The following PTPN4 variants were observed in gnomAD, a reference collection of about 807,000 sequenced individuals.
PTPN4 encodes protein tyrosine phosphatase non-receptor type 4.
In PTPN4, 49 loss-of-function variants were observed where a neutral mutation model predicts 135.5. That is an observed-to-expected ratio of 0.36 (90% CI 0.29 to 0.46). The LOEUF is 0.46. Among genes scored for constraint, PTPN4 ranks in the 20% least tolerant of loss-of-function variants. PTPN4 has a pLI of 1.00. For synonymous variants in PTPN4, 333 were observed against 369.9 expected, an observed-to-expected ratio of 0.90 and a Z score of 1.14; for missense variants, 860 against 1,101.0, an observed-to-expected ratio of 0.78 and a Z score of 3.10.
chr2:119,840,120 CTTTTG>C (rs1292644202), intron 2 of PTPN4, among the ~76,000 whole-genome samples: 9 of 152,112 alleles, frequency 5.9e-5, no homozygotes, highest in African/African-American at 1.4e-4. Context: ...TTATTTCCAA[CTTTTG>C]TTTTAAGTTC....
Position 119,917,292 on chromosome 2 carries a change from CAATT to C in PTPN4, c.828+2051_828+2054del, listed in dbSNP as rs554538066. Reference sequence around the variant, plus strand: ...GATAACAGCAACAATAGCTAACTGACAATTGATTAAAGACAGTATACAGGGATCC... The same window carrying C: ...GATAACAGCAACAATAGCTAACTGACGATTAAAGACAGTATACAGGGATCC... On this transcript the variant is annotated intron_variant, in intron 11 of 26. Coordinates refer to ENST00000263708, the MANE Select transcript of PTPN4 (RefSeq NM_002830.4). Among the ~76,000 whole-genome samples the C allele has an allele frequency of 3.1e-3, 470 of 152,246 alleles. 1 individual carries two copies. Among genetic ancestry groups the C allele is most frequent in the African/African-American group, 0.011 (445 of 41,548 alleles).
chr2:119,916,332 G>T (rs1009939223), intron 11 of PTPN4: 2 of 152,192 alleles, frequency 1.3e-5, no homozygotes, highest in African/African-American at 2.4e-5. Context: ...TTGTGCCACT[G>T]TAGTCCAGCA....
intron 23 of PTPN4, 126 bp downstream of exon 23, chr2:119,961,079 T>A (rs1333701352): frequency 1.7e-6 from 2 of 1,185,252 alleles, no homozygotes; most frequent in South Asian, 3.4e-5. Flanking sequence ...TGTGGTTTCT[T>A]GTTTTAAATC....
At chr2:119,901,374 A>T (rs1678401038) in intron 10 of PTPN4, among the ~76,000 whole-genome samples, 1 of 152,222 alleles carries the variant, frequency 6.6e-6, no homozygotes, top group Non-Finnish European at 1.5e-5. Context: ...TAAGGCTCAG[A>T]TTGTTTAGGA....
chr2:119,771,191 C>T (rs1345233806), intron 1 of PTPN4, among the ~76,000 whole-genome samples: 2 of 152,146 alleles, frequency 1.3e-5, no homozygotes, highest in African/African-American at 4.8e-5. Context: ...GAAAGTGATG[C>T]CTTCTTGGAC....
At chr2:119,876,741 A>C (rs1355411129) in intron 3 of PTPN4, among the ~76,000 whole-genome samples, 2 of 152,138 alleles carry the variant, frequency 1.3e-5, no homozygotes, top group Admixed American at 6.5e-5. Context: ...ATCATTCTCA[A>C]AACTAAACAT....
chr2:119,887,225 A>G (rs1272785926), intron 9 of PTPN4, among the ~76,000 whole-genome samples: 1 of 152,228 alleles, frequency 6.6e-6, no homozygotes, highest in Non-Finnish European at 1.5e-5. Flanking sequence ...ATAATGTATC[A>G]TGCCTATAAT....
At chr2:119,762,654 G>A (rs1327819330) in intron 1 of PTPN4, among the ~76,000 whole-genome samples, 2 of 152,080 alleles carry the variant, frequency 1.3e-5, no homozygotes, top group Non-Finnish European at 1.5e-5. Context: ...CAGAAACGTG[G>A]AAATCTTGTT....
intron 9 of PTPN4, among the ~76,000 whole-genome samples, chr2:119,887,963 A>G (rs1012136335): frequency 1.3e-5 from 2 of 152,142 alleles, no homozygotes; most frequent in African/African-American, 4.8e-5. Context: ...CTCTGGCAAT[A>G]TGGTCATTTT....
At chr2:119,846,369 C>A (rs931295204) in intron 2 of PTPN4, among the ~76,000 whole-genome samples, 3 of 152,214 alleles carry the variant, frequency 2.0e-5, no homozygotes, top group African/African-American at 7.2e-5. Context: ...GATGGAACGA[C>A]CTTTAGCGTT....
At chr2:119,960,266 A>G (rs955285948) in intron 22 of PTPN4, among the ~76,000 whole-genome samples, 2 of 152,204 alleles carry the variant, frequency 1.3e-5, no homozygotes, top group African/African-American at 2.4e-5. Flanking sequence ...TGATGACTCA[A>G]CTTTCCCAAA....
chr2:119,858,240 C>G (rs764994934), intron 2 of PTPN4, among the ~76,000 whole-genome samples: 11 of 152,158 alleles, frequency 7.2e-5, no homozygotes, highest in Non-Finnish European at 1.3e-4. Context: ...GCAAGAACAG[C>G]CTAACACATT....
rs1388048802 is a variant in PTPN4, at chr2:119,854,660, A to G, written c.139-7876A>G. Among the ~76,000 whole-genome samples, 3 of 152,206 alleles carry G rather than the reference A, an allele frequency of 2.0e-5. No homozygotes were observed. The East Asian group carries it at 5.8e-4, about 29-fold the overall frequency. On this transcript the variant is annotated intron_variant, in intron 2 of 26. Coordinates refer to ENST00000263708, the MANE Select transcript of PTPN4 (RefSeq NM_002830.4). ...TTTGATTGCTTCTAGGCAAGAGAAA[A>G]CAATTTGAGTTATAGTATTGAGTAT...
At chr2:119,925,704 T>C (rs1211198933) in intron 12 of PTPN4, among the ~76,000 whole-genome samples, 3 of 152,206 alleles carry the variant, frequency 2.0e-5, no homozygotes, top group African/African-American at 7.2e-5. Flanking sequence ...ATACTGGAAC[T>C]GTTGTCATAC....
chr2:119,786,779 G>T (rs533090114), intron 1 of PTPN4, among the ~76,000 whole-genome samples: 1 of 152,244 alleles, frequency 6.6e-6, no homozygotes, highest in African/African-American at 2.4e-5. Context: ...TCCACCTCTT[G>T]GTGTAGTGGC....
In PTPN4 at chr2:119,962,714, C is replaced by G. The variant is rs746743900; in HGVS notation, c.2379C>G (p.Ile793Met). The G allele has an allele frequency of 3.8e-6, 6 of 1,587,414 alleles. No individual in the cohort carries two copies. Among genetic ancestry groups the G allele is most frequent in the Admixed American group, 3.4e-5 (2 of 58,834 alleles). Residue 793 changes from isoleucine to methionine, a missense_variant, in exon 24 of 27, where the codon ATC (isoleucine) becomes ATG (methionine). Coordinates refer to ENST00000263708, the MANE Select transcript of PTPN4 (RefSeq NM_002830.4). Reference sequence around the variant, plus strand: ...CTGAAGAAGGAAACACTGCCTATATCTTCAGGAAGATGACCCTATTTAACC... The same window carrying G: ...CTGAAGAAGGAAACACTGCCTATATGTTCAGGAAGATGACCCTATTTAACC... ...CHSEEGNTAY[I>M]FRKMTLFNQE...
At chr2:119,821,052 A>G (rs529771867) in intron 2 of PTPN4, among the ~76,000 whole-genome samples, 2 of 148,044 alleles carry the variant, frequency 1.4e-5, no homozygotes, top group Non-Finnish European at 3.0e-5. Context: ...GTGACATTTT[A>G]TGACTCTGTT....
At chr2:119,766,934 T>G (rs1447337772) in intron 1 of PTPN4, among the ~76,000 whole-genome samples, 1 of 152,202 alleles carries the variant, frequency 6.6e-6, no homozygotes, top group Non-Finnish European at 1.5e-5. Flanking sequence ...TTATTTTTAT[T>G]GAGCACTTCC....
intron 1 of PTPN4, among the ~76,000 whole-genome samples, chr2:119,781,844 A>G (rs1195960869): frequency 2.0e-5 from 3 of 152,224 alleles, no homozygotes; most frequent in Non-Finnish European, 4.4e-5. Context: ...TGGCCTGTAA[A>G]GCCTGAAATA....
Sources: allele counts gnomAD v4.1 joint callset (sites outside exome capture counted in the v4.1 genomes callset), GRCh38; gene constraint gnomAD v4.1.1; transcripts MANE v1.5; gene names NCBI Gene and HGNC (gene_info 2026-07-23, HGNC 2026-07-21).